SLC4A1AP: variants seen among roughly 807,000 people sequenced by gnomAD.
SLC4A1AP encodes the protein solute carrier family 4 member 1 adaptor protein.
SLC4A1AP carries 64 observed loss-of-function variants against 89.7 expected under a neutral mutation model. The ratio of observed to expected loss-of-function variants is 0.71; its 90% CI spans 0.58 to 0.88. The LOEUF is 0.88. SLC4A1AP is among the 40% of genes least tolerant of loss of function. SLC4A1AP has a pLI of 0.00. For missense variants in SLC4A1AP, 931 were observed against 965.0 expected (o/e 0.96, Z 0.47); for synonymous variants, 366 against 353.3 (o/e 1.04, Z -0.40).
intron 4 of SLC4A1AP, 48 bp downstream of exon 4, chr2:27,668,951 C>T: frequency 1.3e-6 from 2 of 1,538,714 alleles, no homozygotes; most frequent in East Asian, 2.2e-5. Context: ...TGGCCAATTT[C>T]AGGTTTAATG....
rs1175766582 is a variant in SLC4A1AP at position 27,677,727 on chromosome 2, T to G, written c.1577-11T>G. On this transcript the variant is annotated splice_polypyrimidine_tract_variant and intron_variant, in intron 7 of 13. Transcript: ENST00000613058. ...ATCTTTCTAAACATGTGTTATTCTT[T>G]TCTTGGACAGTTCTATCAGAGTCTC... 1.3e-6 allele frequency: 2 copies of G among 1,574,808 alleles called. No individual in the cohort carries two copies. The highest frequency in any genetic ancestry group is 1.7e-6 in the Non-Finnish European group (2 of 1,166,076).
intron 6 of SLC4A1AP, among the ~76,000 whole-genome samples, chr2:27,676,576 C>T (rs1675526249): frequency 6.6e-6 from 1 of 151,830 alleles, no homozygotes; most frequent in South Asian, 2.1e-4. Flanking sequence ...AATCCCAGCA[C>T]ATTGGGAGGC....
At chr2:27,665,254 C>G (rs1675295306) in exon 2 of SLC4A1AP, 1 of 1,611,624 alleles carries the variant, frequency 6.2e-7, no homozygotes, top group Non-Finnish European at 8.5e-7. Flanking sequence ...AAGATAAATG[C>G]TGGTAGCCAA....
At chr2:27,664,184 C>A in exon 1 of SLC4A1AP, 1 of 1,614,158 alleles carries the variant, frequency 6.2e-7, no homozygotes, top group Non-Finnish European at 8.5e-7. Flanking sequence ...CGGTTTCTTC[C>A]CCTGGCGGTC....
intron 5 of SLC4A1AP, among the ~76,000 whole-genome samples, chr2:27,674,901 G>A (rs1396170142): frequency 1.3e-5 from 2 of 151,782 alleles, no homozygotes; most frequent in African/African-American, 4.8e-5. Context: ...TAGTAGAGAC[G>A]GGGTTTCACC....
intron 3 of SLC4A1AP, 34 bp from the exon 4 acceptor site, chr2:27,668,809 T>A (rs1675375684): frequency 1.3e-6 from 2 of 1,593,928 alleles, no homozygotes; most frequent in Non-Finnish European, 1.7e-6. Context: ...TTTTGGATTC[T>A]ATTAAAATTG....
chr2:27,687,630 A>T (rs866090188), intron 10 of SLC4A1AP, among the ~76,000 whole-genome samples: 2 of 152,222 alleles, frequency 1.3e-5, no homozygotes, highest in Middle Eastern at 3.4e-3. Flanking sequence ...TCTGATTTTT[A>T]AAAAAATATG....
chr2:27,664,603 A>G lies in SLC4A1AP; in HGVS notation c.825+26A>G, dbSNP rs568374521. ...GTAGGTAGAAAAACCTAGAATTGAA[A>G]TTTCGGGTTCATTGGACTGCGTTCT... On this transcript the variant is annotated intron_variant, in intron 1 of 13. Transcript: ENST00000613058. 14 of 1,554,538 alleles carry G rather than the reference A, an allele frequency of 9.0e-6. No homozygotes were observed. In the Middle Eastern group the frequency reaches 6.9e-4, roughly 76 times the overall value.
At position 27,668,855 on chromosome 2, in the gene SLC4A1AP, AAT is replaced by A; in HGVS notation, c.1160_1161del (p.Tyr387Ter). On this transcript the variant is annotated frameshift_variant, in exon 4 of 14. Coordinates refer to ENST00000613058, the Ensembl canonical transcript of SLC4A1AP. LOFTEE classifies it high-confidence loss of function. ...CTTTCTCCCACAGGAGAAGAATTAG[AAT>A]ATGAATTTGATGAACAGGGACATAG... 3 of 1,614,102 alleles carry A rather than the reference AAT, an allele frequency of 1.9e-6. No individual in the cohort carries two copies. Among genetic ancestry groups the A allele is most frequent in the Non-Finnish European group, 2.5e-6 (3 of 1,179,976 alleles).
intron 8 of SLC4A1AP, among the ~76,000 whole-genome samples, chr2:27,681,401 A>G (rs1675617426): frequency 6.6e-6 from 1 of 152,178 alleles, no homozygotes. Flanking sequence ...CCAGGTAGCT[A>G]ACATCTGGTA....
chr2:27,678,704 T>C (rs1323316408), intron 8 of SLC4A1AP, among the ~76,000 whole-genome samples: 1 of 150,678 alleles, frequency 6.6e-6, no homozygotes, highest in Non-Finnish European at 1.5e-5. Flanking sequence ...GAAATACAAA[T>C]ACTACAACCT....
At chr2:27,670,382 G>C (rs530274079) in intron 5 of SLC4A1AP, among the ~76,000 whole-genome samples, 3 of 151,586 alleles carry the variant, frequency 2.0e-5, no homozygotes, top group South Asian at 4.2e-4. Context: ...AGTCTGAGTA[G>C]AGCATCATTT....
chr2:27,684,023 C>T (rs1675663712), intron 9 of SLC4A1AP, among the ~76,000 whole-genome samples: 1 of 152,052 alleles, frequency 6.6e-6, no homozygotes. Flanking sequence ...TAATGGTTTA[C>T]CTAACAAGTA....
chr2:27,675,487 T>C, intron 5 of SLC4A1AP, 45 bp from the exon 6 acceptor site: 1 of 1,390,782 alleles, frequency 7.2e-7, no homozygotes, highest in South Asian at 1.5e-5. Context: ...TCTTTTTCTT[T>C]TCTTTTTTAA....
At chr2:27,667,485 T>A in intron 3 of SLC4A1AP, 95 bp downstream of exon 3, 1 of 1,170,762 alleles carries the variant, frequency 8.5e-7, no homozygotes, top group Non-Finnish European at 1.2e-6. Context: ...AGATATGCTA[T>A]AATTTTATTG....
intron 6 of SLC4A1AP, among the ~76,000 whole-genome samples, chr2:27,677,012 A>G (rs560303146): frequency 1.3e-5 from 2 of 150,508 alleles, no homozygotes; most frequent in Non-Finnish European, 3.0e-5. Flanking sequence ...GGTGGTGCAC[A>G]CCTGTAGTCC....
At chr2:27,666,842 C>A (rs2148130439) in intron 2 of SLC4A1AP, among the ~76,000 whole-genome samples, 2 of 144,510 alleles carry the variant, frequency 1.4e-5, no homozygotes, top group Middle Eastern at 7.2e-3. Context: ...TATTATTTTT[C>A]ATCACAGATA....
intron 8 of SLC4A1AP, among the ~76,000 whole-genome samples, chr2:27,679,155 GTC>G (rs1475023348): frequency 1.3e-5 from 2 of 152,206 alleles, no homozygotes; most frequent in Admixed American, 1.3e-4. Flanking sequence ...CAAATTGGCA[GTC>G]TCTATCCTGA....
chr2:27,676,131 T>C (rs1675517533), intron 6 of SLC4A1AP, among the ~76,000 whole-genome samples: 1 of 152,092 alleles, frequency 6.6e-6, no homozygotes, highest in Admixed American at 6.5e-5. Context: ...TGTTAATGGG[T>C]AGGTAACAGA....
Sources: allele counts gnomAD v4.1 joint callset (sites outside exome capture counted in the v4.1 genomes callset), GRCh38; gene constraint gnomAD v4.1.1; transcripts MANE v1.5; gene names NCBI Gene and HGNC (gene_info 2026-07-23, HGNC 2026-07-21).